The following PRKCSH variants were observed in gnomAD, a reference collection of about 807,000 sequenced individuals.
PRKCSH encodes PRKCSH beta subunit of glucosidase II, also known as glucosidase 2 subunit beta.
In PRKCSH, 42 loss-of-function variants were observed where a neutral mutation model predicts 79.7. That is an observed-to-expected ratio of 0.53 (90% CI 0.41 to 0.68). The LOEUF is 0.68. PRKCSH is among the 30% of genes least tolerant of loss of function. PRKCSH has a pLI of 0.00. For synonymous variants in PRKCSH, 325 were observed against 288.2 expected (o/e 1.13, Z -1.29); for missense variants, 686 against 709.0 (o/e 0.97, Z 0.37).
chr19:11,442,858 C>T lies in PRKCSH; in HGVS notation c.598+343C>T, dbSNP rs111929325. Among the ~76,000 whole-genome samples, 320 of 152,188 alleles carry T rather than the reference C, an allele frequency of 2.1e-3. 1 individual carries two copies. Among genetic ancestry groups the T allele is most frequent in the African/African-American group, 7.2e-3 (300 of 41,534 alleles). ...CTGAGATTACAGGCACCTGCCACCA[C>T]ATTTAACTAATTGTTTTGTATTTTT... is the stretch of plus-strand genomic sequence containing the variant. On this transcript the variant is annotated intron_variant, in intron 7 of 17. Coordinates refer to ENST00000677123, the MANE Select transcript of PRKCSH (RefSeq NM_001289104.2).
At chr19:11,437,788 G>A (rs1969845993) in intron 3 of PRKCSH, 88 bp from the exon 4 acceptor site, 5 of 1,113,896 alleles carry the variant, frequency 4.5e-6, no homozygotes, top group African/African-American at 1.5e-5. Context: ...TGTGTGCAGT[G>A]TGGGTCAGGG....
At position 11,436,146 on chromosome 19, in the gene PRKCSH, C is replaced by G; in HGVS notation, c.29C>G (p.Pro10Arg). 2 of 1,606,768 alleles carry G rather than the reference C, an allele frequency of 1.2e-6. No individual in the cohort carries two copies. The highest frequency in any genetic ancestry group is 1.7e-6 in the Non-Finnish European group (2 of 1,178,208). ...CTGTTGCCGCTGCTGCTGCTGCTAC[C>G]CATGTGCTGGGCCGTGGAGGTCAAG... is the stretch of plus-strand genomic sequence containing the variant. MLLPLLLLLPMCWAVEVKRP... is the reference protein window; with the variant it reads MLLPLLLLLRMCWAVEVKRP... The change falls in exon 2 of 18, where the codon CCC (proline) becomes CGC (arginine). Residue 10 changes from proline to arginine, a missense_variant. Transcript: ENST00000677123.
At chr19:11,441,139 C>T (rs1222879841) in intron 5 of PRKCSH, 101 bp from the exon 6 acceptor site, 3 of 1,152,578 alleles carry the variant, frequency 2.6e-6, no homozygotes, top group Non-Finnish European at 3.9e-6. Context: ...CCCAGCATGG[C>T]TTGGTGGGGG....
At position 11,447,217 on chromosome 19, in the gene PRKCSH, C is replaced by T. The variant is rs1169654632; in HGVS notation, c.849+57C>T. The T allele has an allele frequency of 2.1e-5, 33 of 1,577,818 alleles. No homozygotes were observed. The highest frequency in any genetic ancestry group is 2.7e-5 in the African/African-American group (2 of 74,050). On this transcript the variant is annotated intron_variant, in intron 10 of 17. Transcript: ENST00000677123. The surrounding 1 kb of genome is among the most constrained non-coding windows in gnomAD (Gnocchi z 5.6). ...CTCCCACCACACTGCCCCCACCCCGCCTCACAAAGGAGCTGCCTCTGGTTC... is the reference window on the plus strand; with the variant it reads ...CTCCCACCACACTGCCCCCACCCCGTCTCACAAAGGAGCTGCCTCTGGTTC...
chr19:11,436,842 G>A (rs1460999338), intron 3 of PRKCSH: 3 of 364,554 alleles, frequency 8.2e-6, no homozygotes. Flanking sequence ...GAGGTGAAGG[G>A]AGACCCTGGC....
chr19:11,445,528 C>A (rs1970255290), intron 8 of PRKCSH, 55 bp downstream of exon 8: 2 of 1,559,682 alleles, frequency 1.3e-6, no homozygotes, highest in East Asian at 4.5e-5. Context: ...GGTTTCCCTC[C>A]CCGCCACCCT....
chr19:11,446,422 G>A (rs1970304127), intron 9 of PRKCSH, 72 bp downstream of exon 9: 17 of 1,519,652 alleles, frequency 1.1e-5, no homozygotes, highest in Non-Finnish European at 1.3e-5. Context: ...GGCACAGGAG[G>A]GGGACCAAGG....
chr19:11,439,888 GGATTACA>G (rs1213743452), intron 5 of PRKCSH, among the ~76,000 whole-genome samples: 1 of 151,632 alleles, frequency 6.6e-6, no homozygotes. Flanking sequence ...CAAAGTGCGG[GGATTACA>G]GATGTGAGCC....
intron 8 of PRKCSH, 118 bp from the exon 9 acceptor site, chr19:11,446,154 C>G (rs920684502): frequency 3.6e-6 from 4 of 1,108,066 alleles, no homozygotes; most frequent in Non-Finnish European, 5.3e-6. Flanking sequence ...ACCTTGAGGT[C>G]CTGAAGCAAG....
intron 6 of PRKCSH, 124 bp from the exon 7 acceptor site, chr19:11,442,262 C>A: frequency 7.1e-7 from 1 of 1,404,110 alleles, no homozygotes. Context: ...GGGAGAGAGA[C>A]CCAGCTTGGT....
At chr19:11,443,944 T>A (rs1009674001) in intron 7 of PRKCSH, among the ~76,000 whole-genome samples, 2 of 151,964 alleles carry the variant, frequency 1.3e-5, no homozygotes, top group Non-Finnish European at 2.9e-5. Context: ...GCCGGCTAAT[T>A]TTTGTAGTTT....
At chr19:11,442,096 G>A (rs184446203) in intron 6 of PRKCSH, among the ~76,000 whole-genome samples, 7 of 152,342 alleles carry the variant, frequency 4.6e-5, no homozygotes, top group Non-Finnish European at 1.0e-4. Context: ...AGAGCGTTTA[G>A]GGGTCTGAAT....
At chr19:11,435,771 T>C in intron 1 of PRKCSH, 65 bp downstream of exon 1, 1 of 1,384,316 alleles carries the variant, frequency 7.2e-7, no homozygotes, top group Admixed American at 2.2e-5. Context: ...GGAGGGTGCA[T>C]GTGTGGGTGT....
chr19:11,446,250 T>G, intron 8 of PRKCSH, 22 bp from the exon 9 acceptor site: 1 of 1,611,576 alleles, frequency 6.2e-7, no homozygotes, highest in Non-Finnish European at 8.5e-7. Flanking sequence ...CCCTCCAGTC[T>G]GCTTCTGCCA....
chr19:11,441,227 C>T lies in PRKCSH; in HGVS notation c.351-13C>T. On this transcript the variant is annotated splice_polypyrimidine_tract_variant and intron_variant, in intron 5 of 17. Coordinates refer to ENST00000677123, the MANE Select transcript of PRKCSH (RefSeq NM_001289104.2). ...TGCCCCACTGGTGGTGCCTGTGTGT[C>T]TCCGCACCGCAGAGAGAAGGGCCGT... The T allele has an allele frequency of 2.5e-6, 4 of 1,613,272 alleles. No homozygotes were observed. Among genetic ancestry groups the T allele is most frequent in the Non-Finnish European group, 3.4e-6 (4 of 1,179,312 alleles).
At position 11,442,435 on chromosome 19, in the gene PRKCSH, T is replaced by C. The variant is rs763640816; in HGVS notation, c.518T>C (p.Val173Ala). 1 of 1,610,658 alleles carries C rather than the reference T, an allele frequency of 6.2e-7. No individual in the cohort carries two copies. The highest frequency in any genetic ancestry group is 1.1e-5 in the South Asian group (1 of 90,662). ...QAGKKSLEDQVEMLRTVKEEA... is the reference protein window; with the variant it reads ...QAGKKSLEDQAEMLRTVKEEA... Reference sequence around the variant, plus strand: ...GGGAAGAAGTCTCTGGAAGACCAGGTGGAGATGCTGCGGACAGTGAAGGAG... The same window carrying C: ...GGGAAGAAGTCTCTGGAAGACCAGGCGGAGATGCTGCGGACAGTGAAGGAG... The change falls in exon 7 of 18, where the codon GTG (valine) becomes GCG (alanine). Residue 173 changes from valine (V) to alanine (A), a missense_variant. Val to Ala is a moderately conservative substitution (Grantham distance 64). This residue lies in a region of PRKCSH where 549 missense variants were observed against 520.2 expected (regional missense o/e 1.06). Coordinates refer to ENST00000677123, the MANE Select transcript of PRKCSH (RefSeq NM_001289104.2).
chr19:11,447,294 A>AC lies in PRKCSH; in HGVS notation c.850-139dup, dbSNP rs928590427. ...GGTGGCCCCAGCACCCCCCACCGAG[A>AC]CCCCCCGACCCCAGCTGTCGGTCCT... On this transcript the variant is annotated intron_variant, in intron 10 of 17. Transcript: ENST00000677123. This position sits in a 1 kb window ranked among gnomAD's most constrained non-coding sequence, Gnocchi z 5.6. 3.6e-5 allele frequency: 44 copies of AC among 1,208,842 alleles called. No homozygotes were observed. The highest frequency in any genetic ancestry group is 3.1e-4 in the African/African-American group (20 of 65,082). The allele number at this position is 1,208,842 out of a possible 1,614,324, so 74.9% of individuals were successfully genotyped here. A position where few individuals can be genotyped will look rare whatever the true frequency, so the allele number is the denominator to read the frequency against.
At chr19:11,442,763 G>A (rs559012107) in intron 7 of PRKCSH, among the ~76,000 whole-genome samples, 6 of 152,290 alleles carry the variant, frequency 3.9e-5, no homozygotes, top group African/African-American at 9.6e-5. Flanking sequence ...GTACAGTGGC[G>A]TGATCTCAGC....
Position 11,447,598 on chromosome 19 carries a change from G to A in PRKCSH, c.1009G>A (p.Val337Met), listed in dbSNP as rs373416744. The change falls in exon 11 of 18, where the codon GTG becomes ATG. Residue 337 changes from valine (V) to methionine (M), a missense_variant. Val to Met is a conservative substitution (Grantham distance 21, BLOSUM62 1). Coordinates refer to ENST00000677123, the MANE Select transcript of PRKCSH (RefSeq NM_001289104.2). The surrounding 1 kb of genome is among the most constrained non-coding windows in gnomAD (Gnocchi z 5.6). ...EEEEEEEDSEVQGEQPKEAPP... is the reference protein window; with the variant it reads ...EEEEEEEDSEMQGEQPKEAPP... Reference sequence around the variant, plus strand: ...AGAGGAGGAGGAGGAGGATTCCGAGGTGCAGGGGGAGCAGCCCAAGGTCCG... The same window carrying A: ...AGAGGAGGAGGAGGAGGATTCCGAGATGCAGGGGGAGCAGCCCAAGGTCCG... 71 of 1,591,750 alleles carry A rather than the reference G, an allele frequency of 4.5e-5. No individual in the cohort carries two copies. In the East Asian group the frequency reaches 6.6e-4, roughly 15 times the overall value.
Sources: gnomAD v4.1 joint callset for allele counts (sites outside exome capture counted in the v4.1 genomes callset) on GRCh38, gnomAD v4.1.1 for gene constraint, gnomAD v4.1.1 regional missense constraint, Gnocchi (gnomAD v3.1) non-coding constraint, MANE v1.5 for transcripts, NCBI Gene and HGNC (gene_info 2026-07-23, HGNC 2026-07-21) for gene names.